The following NRXN3 variants were observed in gnomAD, a reference collection of about 807,000 sequenced individuals.
NRXN3 encodes the protein neurexin 3.
In NRXN3, 32 loss-of-function variants were observed where a neutral mutation model predicts 137.6. The ratio of observed to expected loss-of-function variants is 0.23; its 90% confidence interval spans 0.18 to 0.31. NRXN3 has a LOEUF of 0.31. NRXN3 is among the 10% of genes least tolerant of loss of function. The probability of loss-of-function intolerance (pLI) is 1.00; values close to 1 mark genes in which losing one functional copy is unlikely to be tolerated. For missense variants in NRXN3, 1,574 were observed against 2,062.5 expected, an observed-to-expected ratio of 0.76 and a Z score of 4.59; for synonymous variants, 798 against 784.5, an observed-to-expected ratio of 1.02 and a Z score of -0.29.
In NRXN3 at chr14:78,314,972, TTCC is replaced by T. The variant is rs1567235724; in HGVS notation, c.757+17114_757+17116del. 2.7e-4 allele frequency among the ~76,000 whole-genome samples: 27 copies of T among 99,958 alleles called. 1 individual carries two copies. Among genetic ancestry groups the T allele is most frequent in the African/African-American group, 1.1e-3 (23 of 20,606 alleles). 65.6% of individuals were successfully genotyped at this position (99,958 alleles called of 152,430 possible). On this transcript the variant is annotated intron_variant, in intron 4 of 20. Transcript: ENST00000335750. ...CTTCCTTCCTTCCTTCCTTCCTTCC[TTCC>T]TTCCTTCCTTCCTTTCTCTTTCTTT... is the stretch of plus-strand genomic sequence containing the variant.
At chr14:79,853,886 T>C in intron 20 of NRXN3, 1 of 991,168 alleles carries the variant, frequency 1.0e-6, no homozygotes, top group Non-Finnish European at 1.2e-6. Flanking sequence ...TTTTGTTTGG[T>C]TTTTCAATCA....
chr14:79,545,438 G>A (rs894088780), intron 16 of NRXN3, among the ~76,000 whole-genome samples: 12 of 152,060 alleles, frequency 7.9e-5, no homozygotes, highest in Non-Finnish European at 1.5e-4. Context: ...TGTCTCTCTT[G>A]TTCTCACTCT....
At chr14:79,167,577 T>A (rs1181700620) in intron 15 of NRXN3, among the ~76,000 whole-genome samples, 1 of 152,092 alleles carries the variant, frequency 6.6e-6, no homozygotes. Flanking sequence ...TCTGCTTTTT[T>A]AAAATTGCTT....
At chr14:78,878,984 T>C (rs2099120952) in intron 10 of NRXN3, among the ~76,000 whole-genome samples, 2 of 152,184 alleles carry the variant, frequency 1.3e-5, no homozygotes, top group Admixed American at 1.3e-4. Context: ...CTTATTTTAC[T>C]TAACATAATA....
chr14:79,063,038 A>G (rs916659145), intron 15 of NRXN3, among the ~76,000 whole-genome samples: 1 of 152,194 alleles, frequency 6.6e-6, no homozygotes, highest in African/African-American at 2.4e-5. Context: ...GTTTATCTTT[A>G]TATTTTGTGA....
intron 15 of NRXN3, among the ~76,000 whole-genome samples, chr14:79,034,861 A>G (rs1221764869): frequency 6.6e-6 from 1 of 152,154 alleles, no homozygotes; most frequent in Non-Finnish European, 1.5e-5. Context: ...ACAAGAGTTA[A>G]ATGTTAGGAA....
rs76360884 is a variant in NRXN3 at position 79,482,744 on chromosome 14, A to G, written c.3444+15342A>G. ...CCAAAGAAAACAAATCAACCAAATGAAAACCCACCCTCTCTGGTGGAAAGA... is the reference window on the plus strand; with the variant it reads ...CCAAAGAAAACAAATCAACCAAATGGAAACCCACCCTCTCTGGTGGAAAGA... On this transcript the variant is annotated intron_variant, in intron 16 of 20. Transcript: ENST00000335750. Among the ~76,000 whole-genome samples the G allele has an allele frequency of 3.0e-3, 459 of 152,234 alleles. 3 individuals carry two copies. Among genetic ancestry groups the G allele is most frequent in the African/African-American group, 0.011 (450 of 41,546 alleles).
At chr14:79,110,230 T>G (rs752179644) in intron 15 of NRXN3, among the ~76,000 whole-genome samples, 4 of 151,768 alleles carry the variant, frequency 2.6e-5, no homozygotes, top group Non-Finnish European at 4.4e-5. Flanking sequence ...CTGAAGAGAG[T>G]TAAGACACAT....
intron 15 of NRXN3, among the ~76,000 whole-genome samples, chr14:79,016,962 G>C (rs897154947): frequency 6.6e-6 from 1 of 152,130 alleles, no homozygotes; most frequent in Non-Finnish European, 1.5e-5. Flanking sequence ...GAAAAGGCTC[G>C]TGGGCAGACA....
At chr14:78,307,169 T>C (rs2077452756) in intron 4 of NRXN3, among the ~76,000 whole-genome samples, 1 of 151,562 alleles carries the variant, frequency 6.6e-6, no homozygotes, top group South Asian at 2.1e-4. Context: ...GCAAAGTGTA[T>C]AAAATGCATG....
At chr14:78,323,224 G>C (rs1006625733) in intron 4 of NRXN3, among the ~76,000 whole-genome samples, 1 of 151,988 alleles carries the variant, frequency 6.6e-6, no homozygotes, top group Non-Finnish European at 1.5e-5. Context: ...TCATTTTTGT[G>C]GGGGATGAGG....
At chr14:79,796,867 T>A (rs1266997293) in intron 19 of NRXN3, among the ~76,000 whole-genome samples, 2 of 152,300 alleles carry the variant, frequency 1.3e-5, no homozygotes, top group East Asian at 3.9e-4. Context: ...TTAGTGACAA[T>A]GAATAATTAC....
intron 8 of NRXN3, among the ~76,000 whole-genome samples, chr14:78,772,795 A>G (rs2098732614): frequency 6.6e-6 from 1 of 152,188 alleles, no homozygotes. Flanking sequence ...GGTATCAGAG[A>G]GGGGCAGAAT....
chr14:79,759,609 G>T (rs749529796), intron 19 of NRXN3, among the ~76,000 whole-genome samples: 2 of 151,586 alleles, frequency 1.3e-5, no homozygotes, highest in Non-Finnish European at 2.9e-5. Flanking sequence ...GGAAAAACTT[G>T]AAGTCATATT....
intron 20 of NRXN3, among the ~76,000 whole-genome samples, chr14:79,849,532 A>G (rs2099387295): frequency 6.6e-6 from 1 of 152,224 alleles, no homozygotes; most frequent in Non-Finnish European, 1.5e-5. Context: ...CACCAGGGAC[A>G]TGCCAATAAA....
At chr14:79,021,430 G>A (rs906012476) in intron 15 of NRXN3, among the ~76,000 whole-genome samples, 3 of 152,166 alleles carry the variant, frequency 2.0e-5, no homozygotes, top group African/African-American at 7.2e-5. Context: ...ATTTTAATAA[G>A]CTTCAATTAA....
At chr14:78,957,459 A>G (rs1315258239) in intron 11 of NRXN3, 98 bp downstream of exon 11, 19 of 1,361,604 alleles carry the variant, frequency 1.4e-5, no homozygotes, top group Non-Finnish European at 1.9e-5. Context: ...TATTTTGCAT[A>G]GTAGAAGTCA....
intron 15 of NRXN3, among the ~76,000 whole-genome samples, chr14:79,236,349 G>A (rs960922418): frequency 7.2e-5 from 11 of 152,106 alleles, no homozygotes; most frequent in African/African-American, 2.4e-4. Context: ...GTGTGTATAT[G>A]TACATATGTT....
chr14:78,739,508 G>A (rs1314535852), intron 8 of NRXN3, among the ~76,000 whole-genome samples: 1 of 152,180 alleles, frequency 6.6e-6, no homozygotes, highest in Non-Finnish European at 1.5e-5. Flanking sequence ...GAGTTTCATT[G>A]TTGATGCGGC....
Sources: allele counts gnomAD v4.1 joint callset (sites outside exome capture counted in the v4.1 genomes callset), GRCh38; gene constraint gnomAD v4.1.1; transcripts MANE v1.5; gene names NCBI Gene and HGNC (gene_info 2026-07-23, HGNC 2026-07-21).